EYA2: variants seen among roughly 807,000 people sequenced by gnomAD.
EYA2 encodes protein phosphatase EYA2.
A neutral mutation model predicts 69.2 loss-of-function variants in EYA2; 31 were observed. The observed-to-expected ratio is 0.45, with a 90% confidence interval of 0.34 to 0.60. The LOEUF (loss-of-function observed/expected upper bound fraction) is 0.60. Among genes scored for constraint, EYA2 ranks in the 20% least tolerant of loss-of-function variants. EYA2 has a pLI of 0.02. For missense variants in EYA2, 622 were observed against 701.2 expected (o/e 0.89, Z 1.28); for synonymous variants, 257 against 279.4 (o/e 0.92, Z 0.80).
chr20:47,064,016 C>T (rs1350516227), intron 5 of EYA2, among the ~76,000 whole-genome samples: 6 of 152,198 alleles, frequency 3.9e-5, no homozygotes, highest in East Asian at 1.9e-4. Context: ...AGTGCAGTGG[C>T]GCCATCTGGG....
At chr20:47,180,693 A>G (rs749778881) in intron 13 of EYA2, 122 bp from the exon 14 acceptor site, 17 of 1,236,346 alleles carry the variant, frequency 1.4e-5, no homozygotes, top group Non-Finnish European at 1.9e-5. Context: ...AACATACCTG[A>G]AGATGACAGC....
chr20:47,128,690 C>T (rs1175708717), intron 9 of EYA2, among the ~76,000 whole-genome samples: 2 of 152,144 alleles, frequency 1.3e-5, no homozygotes, highest in Non-Finnish European at 2.9e-5. Context: ...CCCAGCTCTG[C>T]CACTTATTGG....
chr20:47,044,779 C>T (rs1397519550), intron 5 of EYA2, among the ~76,000 whole-genome samples: 2 of 152,136 alleles, frequency 1.3e-5, no homozygotes, highest in African/African-American at 4.8e-5. Context: ...ATTTGAGTCA[C>T]AGGGAGGCAG....
chr20:47,148,419 G>T (rs10439555), intron 10 of EYA2, among the ~76,000 whole-genome samples: 25,581 of 152,080 alleles, frequency 0.17, 2,194 homozygotes, highest in African/African-American at 0.21. Context: ...AGGCAAGTGG[G>T]GGTTCTATGG....
At chr20:47,173,965 T>G (rs1205776840) in intron 12 of EYA2, among the ~76,000 whole-genome samples, 1 of 152,186 alleles carries the variant, frequency 6.6e-6, no homozygotes, top group African/African-American at 2.4e-5. Context: ...ATTTGCTCAT[T>G]GCCCCAAACA....
Position 47,089,331 on chromosome 20 carries a change from C to T in EYA2, c.754C>T (p.Arg252Trp), listed in dbSNP as rs1416566553. ...GGCCTCCGACGGGAAGCTCCGAGGC[C>T]GGTCTAAGAGGAGCAGTGACCCGTC... ...HRASDGKLRG[R>W]SKRSSDPSPA... The change falls in exon 8 of 16, where the codon CGG becomes TGG. Residue 252 changes from arginine (R) to tryptophan (W), a missense_variant. Arg to Trp is a moderately radical substitution (Grantham distance 101). This residue lies in a region of EYA2 where 365 missense variants were observed against 349.7 expected (regional missense o/e 1.04). Transcript: ENST00000327619. 5.6e-6 allele frequency: 9 copies of T among 1,614,078 alleles called. No homozygotes were observed. Among genetic ancestry groups the T allele is most frequent in the Non-Finnish European group, 7.6e-6 (9 of 1,179,996 alleles).
chr20:47,074,674 C>T (rs998286691), intron 7 of EYA2, among the ~76,000 whole-genome samples: 3 of 152,194 alleles, frequency 2.0e-5, no homozygotes, highest in African/African-American at 7.2e-5. Context: ...TAGCCACATT[C>T]CCAAGGAACA....
At chr20:47,074,545 T>C (rs1312750390) in intron 7 of EYA2, among the ~76,000 whole-genome samples, 1 of 152,236 alleles carries the variant, frequency 6.6e-6, no homozygotes, top group Non-Finnish European at 1.5e-5. Context: ...CTCTCAGACA[T>C]GTTTTGTTGG....
chr20:46,961,614 A>G (rs1979484050), intron 1 of EYA2, among the ~76,000 whole-genome samples: 1 of 152,162 alleles, frequency 6.6e-6, no homozygotes, highest in African/African-American at 2.4e-5. Context: ...TATGGAATCA[A>G]CCTAAGTGTC....
chr20:47,176,593 C>G (rs2034431054), intron 12 of EYA2, among the ~76,000 whole-genome samples: 1 of 152,028 alleles, frequency 6.6e-6, no homozygotes, highest in African/African-American at 2.4e-5. Flanking sequence ...GGGGAATGAC[C>G]AATACAAGCA....
chr20:47,098,724 C>G (rs77854018), intron 9 of EYA2, among the ~76,000 whole-genome samples: 1,792 of 152,318 alleles, frequency 0.012, 38 homozygotes, highest in African/African-American at 0.041. Context: ...CCTATCTGGT[C>G]TCCCAGCTTC....
chr20:46,995,299 T>TTGTGA (rs1197446067), intron 2 of EYA2, among the ~76,000 whole-genome samples: 2 of 152,218 alleles, frequency 1.3e-5, no homozygotes, highest in Non-Finnish European at 2.9e-5. Flanking sequence ...GATGGTCTTG[T>TTGTGA]TGTGATTCTA....
chr20:46,959,662 G>A lies in EYA2; in HGVS notation c.-10-30339G>A, dbSNP rs117551331. ...CACATGCACGCACACGCACGCACACGCACGCACGTACTTTCCTTCAATTGC... is the reference window on the plus strand; with the variant it reads ...CACATGCACGCACACGCACGCACACACACGCACGTACTTTCCTTCAATTGC... On this transcript the variant is annotated intron_variant, in intron 1 of 15. Coordinates refer to ENST00000327619, the MANE Select transcript of EYA2 (RefSeq NM_005244.5). Among the ~76,000 whole-genome samples the A allele has an allele frequency of 4.4e-3, 613 of 140,098 alleles. 1 individual carries two copies. The highest frequency in any genetic ancestry group is 8.0e-3 in the Non-Finnish European group (494 of 62,054). The allele number at this position is 140,098 out of a possible 152,430, so 91.9% of individuals were successfully genotyped here.
intron 5 of EYA2, among the ~76,000 whole-genome samples, chr20:47,025,564 A>T (rs1157779972): frequency 6.6e-6 from 1 of 152,228 alleles, no homozygotes; most frequent in Non-Finnish European, 1.5e-5. Flanking sequence ...TGATTGAGCC[A>T]GTTCCTTACT....
At chr20:47,050,959 T>C (rs1354004395) in intron 5 of EYA2, among the ~76,000 whole-genome samples, 2 of 152,248 alleles carry the variant, frequency 1.3e-5, no homozygotes, top group African/African-American at 4.8e-5. Flanking sequence ...ATTCGAGCAT[T>C]GCCATGGGAG....
chr20:47,082,211 T>C (rs1423512071), intron 7 of EYA2, among the ~76,000 whole-genome samples: 1 of 152,164 alleles, frequency 6.6e-6, no homozygotes, highest in African/African-American at 2.4e-5. Flanking sequence ...GAACTCACTT[T>C]AACCCAGACA....
intron 3 of EYA2, among the ~76,000 whole-genome samples, chr20:47,003,224 G>A (rs138140905): frequency 2.6e-5 from 4 of 152,306 alleles, no homozygotes; most frequent in African/African-American, 9.6e-5. Flanking sequence ...GTGTTATTAA[G>A]TCTCTCTCTG....
chr20:47,018,492 C>A (rs190159420), intron 5 of EYA2, among the ~76,000 whole-genome samples: 4 of 152,312 alleles, frequency 2.6e-5, no homozygotes, highest in Admixed American at 2.6e-4. Context: ...TGGTGGCATG[C>A]TGGACCGTGA....
intron 10 of EYA2, chr20:47,161,516 G>C (rs1466145680): frequency 2.3e-6 from 1 of 434,064 alleles, no homozygotes; most frequent in South Asian, 1.7e-5. Flanking sequence ...TCATGTCCTT[G>C]ACCAGGTGGC....
Sources: allele counts gnomAD v4.1 joint callset (sites outside exome capture counted in the v4.1 genomes callset), GRCh38; gene constraint gnomAD v4.1.1; regional missense constraint gnomAD v4.1.1; transcripts MANE v1.5; gene names NCBI Gene and HGNC (gene_info 2026-07-23, HGNC 2026-07-21).